The following GLT1D1 variants were observed in gnomAD, a reference collection of about 807,000 sequenced individuals.
GLT1D1 encodes glycosyltransferase 1 domain containing 1.
Under a neutral mutation model 28.7 loss-of-function variants are expected in GLT1D1, and 21 were observed. The ratio of observed to expected loss-of-function variants is 0.73; its 90% confidence interval spans 0.52 to 1.05. The LOEUF (loss-of-function observed/expected upper bound fraction) is 1.05. Among genes scored for constraint, GLT1D1 ranks in the 50% least tolerant of loss-of-function variants. GLT1D1 has a pLI of 0.00. For missense variants in GLT1D1, 343 were observed against 330.6 expected (o/e 1.04, Z -0.29); for synonymous variants, 147 against 124.8 (o/e 1.18, Z -1.19).
chr12:128,939,176 G>A (rs1055624127), intron 4 of GLT1D1, among the ~76,000 whole-genome samples: 1 of 152,064 alleles, frequency 6.6e-6, no homozygotes, highest in African/African-American at 2.4e-5. Context: ...TTCCTTTCAG[G>A]CAATCAGGGA....
At chr12:128,863,680 G>C (rs1237738886) in intron 1 of GLT1D1, among the ~76,000 whole-genome samples, 1 of 152,048 alleles carries the variant, frequency 6.6e-6, no homozygotes, top group Non-Finnish European at 1.5e-5. Context: ...ACCTGGCCTG[G>C]GATAATTTCT....
intron 4 of GLT1D1, among the ~76,000 whole-genome samples, chr12:128,913,811 A>G (rs1315947420): frequency 1.3e-5 from 2 of 152,180 alleles, no homozygotes; most frequent in Admixed American, 6.5e-5. Context: ...CACAGCGTCT[A>G]CCACCTCCAC....
intron 6 of GLT1D1, among the ~76,000 whole-genome samples, chr12:128,954,422 G>T (rs1877065289): frequency 1.3e-5 from 2 of 151,910 alleles, no homozygotes; most frequent in Non-Finnish European, 2.9e-5. Context: ...GAGCCACTGT[G>T]CCCAGGCTAA....
intron 7 of GLT1D1, among the ~76,000 whole-genome samples, chr12:128,976,305 C>T (rs544538274): frequency 1.0e-3 from 152 of 152,326 alleles, no homozygotes; most frequent in Non-Finnish European, 1.4e-3. Context: ...TCCTGAACCC[C>T]ACCCTCCACC....
intron 4 of GLT1D1, among the ~76,000 whole-genome samples, chr12:128,929,642 G>T (rs893928813): frequency 6.6e-6 from 1 of 152,208 alleles, no homozygotes; most frequent in African/African-American, 2.4e-5. Context: ...TATTTACCTG[G>T]AAAGGGCCAC....
Position 128,947,328 on chromosome 12 carries a change from T to TGTGTTTCAGAGCCGCTGGGG in GLT1D1, c.420-9_430dup. The stretch of plus-strand genomic sequence containing the variant: ...GGAATCAGAGCCACTCTTCCTGCTT[T>TGTGTTTCAGAGCCGCTGGGG]GTGTTTCAGAGCCGCTGGGGTACGA... On this transcript the variant is annotated splice_polypyrimidine_tract_variant and intron_variant, in intron 5 of 7. Transcript: ENST00000281703. The TGTGTTTCAGAGCCGCTGGGG allele has an allele frequency of 6.2e-7, 1 of 1,613,746 alleles. No homozygotes were observed. The highest frequency in any genetic ancestry group is 8.5e-7 in the Non-Finnish European group (1 of 1,179,912).
chr12:128,937,712 C>T (rs750857932), intron 4 of GLT1D1, among the ~76,000 whole-genome samples: 11 of 152,092 alleles, frequency 7.2e-5, no homozygotes, highest in South Asian at 2.1e-4. Context: ...GTTACCCTCA[C>T]GCTGGTTTTT....
intron 4 of GLT1D1, among the ~76,000 whole-genome samples, chr12:128,908,405 TTTC>T (rs1871157857): frequency 1.5e-5 from 2 of 129,258 alleles, no homozygotes; most frequent in Admixed American, 7.1e-5. Context: ...TCTCTCTCTC[TTTC>T]TTTCTTTCTT....
At position 128,912,701 on chromosome 12, in the gene GLT1D1, C is replaced by T. The variant is rs541040136; in HGVS notation, c.375+13414C>T. On this transcript the variant is annotated intron_variant, in intron 4 of 7. Transcript: ENST00000281703. ...TTTTTGAGACAAGGTCTGGCTCTGT[C>T]GCCTAGGCTGGAGTGCGGTTGTGCG... Among the ~76,000 whole-genome samples, 26 of 151,872 alleles carry T rather than the reference C, an allele frequency of 1.7e-4. 1 individual carries two copies. In the South Asian group the frequency reaches 2.9e-3, roughly 17 times the overall value.
chr12:128,931,375 T>C (rs541807066), intron 4 of GLT1D1, among the ~76,000 whole-genome samples: 33 of 151,028 alleles, frequency 2.2e-4, no homozygotes, highest in Non-Finnish European at 4.4e-4. Context: ...TGGTGCGATC[T>C]CGGCTCACTG....
intron 2 of GLT1D1, among the ~76,000 whole-genome samples, chr12:128,884,156 A>T (rs1350027765): frequency 6.6e-6 from 1 of 152,188 alleles, no homozygotes; most frequent in Non-Finnish European, 1.5e-5. Flanking sequence ...CAGGACGGGG[A>T]ATCAACCTGT....
intron 4 of GLT1D1, among the ~76,000 whole-genome samples, chr12:128,936,406 G>A (rs1332864891): frequency 2.0e-5 from 3 of 152,108 alleles, no homozygotes; most frequent in Admixed American, 1.3e-4. Context: ...CGCCTGTCTC[G>A]GCCTCCCAAA....
At chr12:128,934,350 C>T (rs1041826588) in intron 4 of GLT1D1, among the ~76,000 whole-genome samples, 7 of 152,018 alleles carry the variant, frequency 4.6e-5, no homozygotes, top group Non-Finnish European at 7.4e-5. Flanking sequence ...CGTGCCACCA[C>T]ACCTGGCTAA....
At chr12:128,944,861 A>G (rs1875809933) in intron 4 of GLT1D1, 1 of 315,388 alleles carries the variant, frequency 3.2e-6, no homozygotes, top group Non-Finnish European at 5.8e-6. Flanking sequence ...GGTTTGTTAC[A>G]TAGGTATACA....
At chr12:128,955,552 A>G (rs1251482087) in intron 6 of GLT1D1, among the ~76,000 whole-genome samples, 1 of 149,406 alleles carries the variant, frequency 6.7e-6, no homozygotes, top group African/African-American at 2.5e-5. Context: ...TCCACACACC[A>G]TTCATGCATT....
intron 4 of GLT1D1, among the ~76,000 whole-genome samples, chr12:128,932,063 G>A (rs1873975907): frequency 1.3e-5 from 2 of 152,230 alleles, no homozygotes; most frequent in Admixed American, 1.3e-4. Context: ...CTGTTGAGGA[G>A]TTGACTAGGA....
chr12:128,918,110 G>A (rs941137065), intron 4 of GLT1D1, among the ~76,000 whole-genome samples: 13 of 152,166 alleles, frequency 8.5e-5, no homozygotes, highest in African/African-American at 1.4e-4. Context: ...CATAGACACC[G>A]TGGAATACTA....
At chr12:128,916,204 T>C (rs1872097059) in intron 4 of GLT1D1, among the ~76,000 whole-genome samples, 1 of 152,256 alleles carries the variant, frequency 6.6e-6, no homozygotes, top group African/African-American at 2.4e-5. Flanking sequence ...ACCTTTTTTC[T>C]TAGTATTCTA....
rs56655033 is a variant in GLT1D1, at chr12:128,854,394, CGTGTGTGTGTGTGTGTGTGTGTGTGT to C, written c.68+764_68+789del. Among the ~76,000 whole-genome samples the C allele has an allele frequency of 2.0e-3, 284 of 143,952 alleles. 1 individual carries two copies. The highest frequency in any genetic ancestry group is 7.1e-3 in the African/African-American group (274 of 38,674). The allele number at this position is 143,952 out of a possible 152,430, so 94.4% of individuals were successfully genotyped here. On this transcript the variant is annotated intron_variant, in intron 1 of 7. Coordinates refer to ENST00000281703, the MANE Select transcript of GLT1D1 (RefSeq NM_144669.3). ...TTAGAGCCTGCAGCTTAACAGAAGC[CGTGTGTGTGTGTGTGTGTGTGTGTGT>C]GTGTGTGTGTGTGTGTGTAAAAGCG...
Sources: gnomAD v4.1 joint callset for allele counts (sites outside exome capture counted in the v4.1 genomes callset) on GRCh38, gnomAD v4.1.1 for gene constraint, MANE v1.5 for transcripts, NCBI Gene and HGNC (gene_info 2026-07-23, HGNC 2026-07-21) for gene names.